Variants in CDCA2 observed in about 807,000 individuals in gnomAD.
CDCA2 encodes the protein cell division cycle associated 2.
In CDCA2, 44 loss-of-function variants were observed where a neutral mutation model predicts 67.0. The ratio of observed to expected loss-of-function variants is 0.66; its 90% CI spans 0.52 to 0.84. The LOEUF (loss-of-function observed/expected upper bound fraction) is 0.84, where lower values mean the gene tolerates loss of function less well. Among genes scored for constraint, CDCA2 ranks in the 40% least tolerant of loss-of-function variants. CDCA2 has a pLI of 0.00. For missense variants in CDCA2, 1,253 were observed against 1,203.2 expected (o/e 1.04, Z -0.61); for synonymous variants, 447 against 418.7 (o/e 1.07, Z -0.82).
At chr8:25,459,945 G>A (rs11775249) in intron 1 of CDCA2, among the ~76,000 whole-genome samples, 61,104 of 151,964 alleles carry the variant, frequency 0.4, 12,729 homozygotes, top group African/African-American at 0.52. Flanking sequence ...TAAACATAAC[G>A]AAGTATAATT....
chr8:25,486,148 A>T (rs1803766762), intron 11 of CDCA2, among the ~76,000 whole-genome samples: 1 of 152,230 alleles, frequency 6.6e-6, no homozygotes, highest in Non-Finnish European at 1.5e-5. Flanking sequence ...CAGTTTACAG[A>T]ATTGACATCT....
intron 6 of CDCA2, among the ~76,000 whole-genome samples, chr8:25,469,514 C>T (rs939917144): frequency 2.6e-5 from 4 of 152,038 alleles, no homozygotes; most frequent in South Asian, 2.1e-4. Flanking sequence ...TATCGTTTGG[C>T]GTTTGATTAA....
intron 11 of CDCA2, among the ~76,000 whole-genome samples, chr8:25,486,113 A>T (rs1803765412): frequency 6.6e-6 from 1 of 151,598 alleles, no homozygotes; most frequent in African/African-American, 2.4e-5. Context: ...TCAACTCTTA[A>T]GTATCAATGA....
At chr8:25,479,624 T>C in intron 7 of CDCA2, 2 of 429,116 alleles carry the variant, frequency 4.7e-6, no homozygotes, top group Non-Finnish European at 8.7e-6. Flanking sequence ...TTATAGCTGA[T>C]TCATGATACC....
At chr8:25,460,819 TGA>T (rs1283015627) in intron 3 of CDCA2, among the ~76,000 whole-genome samples, 1 of 152,204 alleles carries the variant, frequency 6.6e-6, no homozygotes, top group African/African-American at 2.4e-5. Flanking sequence ...AATGTGTGTG[TGA>T]GTCACTTTTT....
Position 25,488,542 on chromosome 8 carries a change from T to G in CDCA2, c.1534-10T>G. ...GCTTTACGGTATCCTACTTTACACT[T>G]TCTTTATAGCAATTGGTCAGTGTTG... On this transcript the variant is annotated splice_polypyrimidine_tract_variant and intron_variant, in intron 12 of 14. Coordinates refer to ENST00000330560, the MANE Select transcript of CDCA2 (RefSeq NM_152562.4). The G allele has an allele frequency of 6.3e-7, 1 of 1,594,020 alleles. No individual in the cohort carries two copies. The highest frequency in any genetic ancestry group is 1.1e-5 in the South Asian group (1 of 87,186).
rs747163744 is a variant in CDCA2, at chr8:25,468,558, C to CGTGTGTGT, written c.735+154_735+161dup. On this transcript the variant is annotated intron_variant, in intron 6 of 14. Coordinates refer to ENST00000330560, the MANE Select transcript of CDCA2 (RefSeq NM_152562.4). ...GTGTGTGTGTGTGTGTGTGTGTGTG[C>CGTGTGTGT]GTGTGTGTGTGTGTGTTTCCTACCT... 12 of 270,196 alleles carry CGTGTGTGT rather than the reference C, an allele frequency of 4.4e-5. No individual in the cohort carries two copies. The African/African-American group carries it at 5.1e-4, about 11-fold the overall frequency. 16.7% of individuals were successfully genotyped at this position (270,196 alleles called of 1,614,324 possible).
At chr8:25,495,786 C>G (rs1014582544) in intron 13 of CDCA2, among the ~76,000 whole-genome samples, 1 of 152,070 alleles carries the variant, frequency 6.6e-6, no homozygotes, top group African/African-American at 2.4e-5. Flanking sequence ...ATGAAACACT[C>G]AATAGAAGCA....
intron 1 of CDCA2, 89 bp from the exon 2 acceptor site, chr8:25,460,151 T>C: frequency 7.8e-7 from 1 of 1,281,914 alleles, no homozygotes; most frequent in Admixed American, 1.7e-5. Context: ...ATGGACTGTA[T>C]TACAATTCAG....
chr8:25,460,343 A>C, intron 2 of CDCA2, 41 bp from the exon 3 acceptor site: 2 of 1,614,034 alleles, frequency 1.2e-6, no homozygotes, highest in East Asian at 2.2e-5. Flanking sequence ...AGGTTTAGAC[A>C]GAGAGTTGTC....
At chr8:25,486,485 A>C (rs1005903002) in intron 11 of CDCA2, among the ~76,000 whole-genome samples, 1 of 152,018 alleles carries the variant, frequency 6.6e-6, no homozygotes, top group Non-Finnish European at 1.5e-5. Flanking sequence ...ACCCTTAAAC[A>C]TATTATACCA....
At chr8:25,472,739 A>G (rs1250961516) in intron 7 of CDCA2, among the ~76,000 whole-genome samples, 1 of 152,070 alleles carries the variant, frequency 6.6e-6, no homozygotes, top group Non-Finnish European at 1.5e-5. Context: ...ATGACAAACC[A>G]TAACTGTATA....
At chr8:25,470,415 C>T (rs1803105243) in intron 7 of CDCA2, among the ~76,000 whole-genome samples, 1 of 152,074 alleles carries the variant, frequency 6.6e-6, no homozygotes. Context: ...CTTTAAAACT[C>T]TTATGGGCAT....
chr8:25,498,453 A>ACCCCCCCCCCCCCCCCCCCCCCCCC (rs60633246), intron 13 of CDCA2, among the ~76,000 whole-genome samples: 28 of 76,658 alleles, frequency 3.7e-4, no homozygotes, highest in Admixed American at 7.2e-4. Context: ...GGTAATCTGC[A>ACCCCCCCCCCCCCCCCCCCCCCCCC]CCCCCCCCCC....
rs1304050826 is a variant in CDCA2, at chr8:25,507,073, G to T, written c.2407G>T (p.Glu803Ter). 2.5e-6 allele frequency: 4 copies of T among 1,613,962 alleles called. No homozygotes were observed. The East Asian group carries it at 6.7e-5, about 27-fold the overall frequency. The change falls in exon 15 of 15, where the codon GAA becomes TAA. Residue 803 changes from glutamate (E) to a stop codon, truncating the protein, a stop_gained. Transcript: ENST00000330560. LOFTEE classifies it low-confidence loss of function (END_TRUNC). ...LGDVLIENTK[E>*]SKSQSEDLGR... ...AGATGTCTTAATTGAAAATACGAAA[G>T]AATCTAAAAGCCAGAGTGAGGATTT...
intron 7 of CDCA2, among the ~76,000 whole-genome samples, chr8:25,470,183 A>G (rs1015021779): frequency 1.3e-5 from 2 of 152,198 alleles, no homozygotes; most frequent in African/African-American, 2.4e-5. Context: ...TTAGTGAAGT[A>G]TTTTCAAGCT....
chr8:25,496,061 C>T (rs1351546105), intron 13 of CDCA2, among the ~76,000 whole-genome samples: 1 of 152,044 alleles, frequency 6.6e-6, no homozygotes, highest in African/African-American at 2.4e-5. Context: ...GTTAGGGTCC[C>T]TTGGTGAAAT....
intron 5 of CDCA2, among the ~76,000 whole-genome samples, chr8:25,467,041 C>CAAAAAAAAAAAA (rs59618544): frequency 2.0e-5 from 1 of 49,176 alleles, no homozygotes; most frequent in African/African-American, 1.0e-4. Context: ...GAGTCCCTTT[C>CAAAAAAAAAAAA]AAAAAAAAAA....
chr8:25,498,753 A>T (rs1023762392), intron 13 of CDCA2, among the ~76,000 whole-genome samples: 3 of 151,972 alleles, frequency 2.0e-5, no homozygotes, highest in Admixed American at 1.3e-4. Flanking sequence ...GGCAACCACT[A>T]ATCTTTCTTC....
Sources: allele counts gnomAD v4.1 joint callset (sites outside exome capture counted in the v4.1 genomes callset), GRCh38; gene constraint gnomAD v4.1.1; transcripts MANE v1.5; gene names NCBI Gene and HGNC (gene_info 2026-07-23, HGNC 2026-07-21).